EHMT1: variants seen among roughly 807,000 people sequenced by gnomAD.
The protein encoded by EHMT1 is euchromatic histone lysine methyltransferase 1.
A neutral mutation model predicts 147.2 loss-of-function variants in EHMT1; 15 were observed. The observed-to-expected ratio is 0.10, with a 90% CI of 0.07 to 0.16. The LOEUF (loss-of-function observed/expected upper bound fraction) is 0.16, where lower values mean the gene tolerates loss of function less well. Among genes scored for constraint, EHMT1 ranks in the 10% least tolerant of loss-of-function variants. The pLI, the probability that EHMT1 is intolerant of heterozygous loss-of-function variation, is 1.00. For missense variants in EHMT1, 1,587 were observed against 1,772.4 expected, an observed-to-expected ratio of 0.90 and a Z score of 1.88; for synonymous variants, 795 against 709.6, an observed-to-expected ratio of 1.12 and a Z score of -1.91.
At chr9:137,741,375 T>C (rs1394599922) in intron 4 of EHMT1, among the ~76,000 whole-genome samples, 1 of 149,782 alleles carries the variant, frequency 6.7e-6, no homozygotes, top group Non-Finnish European at 1.5e-5. Context: ...AGGGGACAGG[T>C]AGCAAACTGT....
chr9:137,754,132 T>G (rs773333309), intron 7 of EHMT1, 39 bp from the exon 8 acceptor site: 2 of 1,613,728 alleles, frequency 1.2e-6, no homozygotes. Context: ...TAGCTTCCTG[T>G]GCTTAGTGGT....
chr9:137,834,091 A>C, intron 25 of EHMT1: 3 of 560,780 alleles, frequency 5.3e-6, no homozygotes, highest in East Asian at 3.1e-5. Flanking sequence ...CGTCAAGGGA[A>C]CGGCCCGCAC....
At chr9:137,790,705 A>T in intron 15 of EHMT1, 143 bp from the exon 16 acceptor site, 2 of 1,075,300 alleles carry the variant, frequency 1.9e-6, no homozygotes, top group Non-Finnish European at 2.9e-6. Flanking sequence ...GTCTTTGAAT[A>T]CGTGTTTAGA....
In EHMT1 at chr9:137,738,155, C is replaced by T. The variant is rs939320773; in HGVS notation, c.824-5216C>T. Among the ~76,000 whole-genome samples the T allele has an allele frequency of 3.3e-5, 5 of 151,644 alleles. No homozygotes were observed. In the East Asian group the frequency reaches 7.8e-4, roughly 24 times the overall value. On this transcript the variant is annotated intron_variant, in intron 4 of 26. Coordinates refer to ENST00000460843, the MANE Select transcript of EHMT1 (RefSeq NM_024757.5). The stretch of plus-strand genomic sequence containing the variant: ...GTTGCAGTGAGCCGAGATCGGACCA[C>T]TGCACTCCAGCCTGGGTGACAGAGT...
intron 9 of EHMT1, among the ~76,000 whole-genome samples, chr9:137,761,704 G>T (rs532695208): frequency 2.0e-5 from 3 of 152,086 alleles, no homozygotes; most frequent in African/African-American, 7.2e-5. Flanking sequence ...TGATCTGCCC[G>T]CCTTGGCCTC....
chr9:137,753,837 C>T (rs974913801), intron 7 of EHMT1, among the ~76,000 whole-genome samples: 3 of 152,120 alleles, frequency 2.0e-5, no homozygotes, highest in African/African-American at 4.8e-5. Flanking sequence ...GCGAGATGAA[C>T]GGACCCTTTT....
intron 10 of EHMT1, among the ~76,000 whole-genome samples, chr9:137,766,491 T>C (rs1456359315): frequency 6.6e-6 from 1 of 152,156 alleles, no homozygotes; most frequent in Non-Finnish European, 1.5e-5. Context: ...GGCGCCTGCC[T>C]GTAGTCCCAG....
chr9:137,831,875 T>A (rs1199203266), intron 25 of EHMT1, among the ~76,000 whole-genome samples: 1 of 152,174 alleles, frequency 6.6e-6, no homozygotes, highest in Admixed American at 6.5e-5. Context: ...GCCCGGCCTC[T>A]CTAGTGGTCC....
chr9:137,757,179 CTGGCCACCACTCGTG>C (rs1949440441), intron 8 of EHMT1, among the ~76,000 whole-genome samples: 1 of 152,244 alleles, frequency 6.6e-6, no homozygotes, highest in African/African-American at 2.4e-5. Context: ...ACAGGCTGGC[CTGGCCACCACTCGTG>C]TGTCCTTGAG....
At chr9:137,672,946 C>T (rs1190922632) in intron 1 of EHMT1, among the ~76,000 whole-genome samples, 1 of 152,166 alleles carries the variant, frequency 6.6e-6, no homozygotes, top group East Asian at 1.9e-4. Context: ...ACTACTATAC[C>T]TTGTGGTTTT....
chr9:137,648,532 C>T (rs1337945903), intron 1 of EHMT1, among the ~76,000 whole-genome samples: 1 of 151,492 alleles, frequency 6.6e-6, no homozygotes, highest in African/African-American at 2.4e-5. Context: ...GTGCCTCATG[C>T]CTGTGGTCCC....
chr9:137,816,228 C>CA (rs1258296068), intron 23 of EHMT1, 166 bp downstream of exon 23: 5 of 689,366 alleles, frequency 7.3e-6, no homozygotes, highest in East Asian at 2.8e-5. Context: ...CTAGAAATGT[C>CA]ACTTGTGCCA....
chr9:137,754,070 A>G (rs556747671), intron 7 of EHMT1, 101 bp from the exon 8 acceptor site: 37 of 1,578,138 alleles, frequency 2.3e-5, no homozygotes, highest in South Asian at 1.1e-5. Context: ...AGATCAAGAC[A>G]TAGCCAGTGT....
chr9:137,694,418 C>T (rs531437190), intron 1 of EHMT1, among the ~76,000 whole-genome samples: 21 of 151,938 alleles, frequency 1.4e-4, no homozygotes, highest in African/African-American at 4.8e-4. Flanking sequence ...CTGGCCGATA[C>T]CCACCATGCG....
Position 137,787,594 on chromosome 9 carries a change from G to A in EHMT1, c.2383-3254G>A, listed in dbSNP as rs527570504. 8.1e-6 allele frequency: 4 copies of A among 492,634 alleles called. No individual in the cohort carries two copies. The highest frequency in any genetic ancestry group is 7.9e-5 in the East Asian group (2 of 25,442). The allele number at this position is 492,634 out of a possible 1,614,324, so 30.5% of individuals were successfully genotyped here. A position where few individuals can be genotyped will look rare whatever the true frequency, so the allele number is the denominator to read the frequency against. ...GAGGCTGCTGTGGTCGCAGACAACC[G>A]CCTCGCCTTGGCTCCCTGGCAACAA... On this transcript the variant is annotated intron_variant, in intron 15 of 26. Transcript: ENST00000460843. The surrounding 1 kb of genome is among the most constrained non-coding windows in gnomAD (Gnocchi z 4.2).
intron 3 of EHMT1, among the ~76,000 whole-genome samples, chr9:137,721,626 C>A (rs1238905645): frequency 3.3e-5 from 5 of 149,980 alleles, no homozygotes; most frequent in Non-Finnish European, 7.4e-5. Flanking sequence ...TCACCCTCAT[C>A]CTCTCCCACG....
chr9:137,775,268 G>A lies in EHMT1; in HGVS notation c.1791+16G>A, dbSNP rs375461503. On this transcript the variant is annotated intron_variant, in intron 11 of 26. Transcript: ENST00000460843. This position sits in a 1 kb window ranked among gnomAD's most constrained non-coding sequence, Gnocchi z 6.1. Reference sequence around the variant, plus strand: ...CTGCACAGCGGTAAGAGCCCAGTCCGGCAGCCTCTGAGTCCTCCGCAGGCT... The same window carrying A: ...CTGCACAGCGGTAAGAGCCCAGTCCAGCAGCCTCTGAGTCCTCCGCAGGCT... The A allele has an allele frequency of 1.9e-5, 30 of 1,606,974 alleles. No homozygotes were observed. The Admixed American group carries it at 2.5e-4, about 13-fold the overall frequency.
Position 137,834,436 on chromosome 9 carries a change from G to C in EHMT1, c.3628G>C (p.Val1210Leu), listed in dbSNP as rs1015778887. Residue 1210 changes from valine (V) to leucine (L), a missense_variant, in exon 26 of 27, where the codon GTG becomes CTG. By Grantham distance (32) the Val-to-Leu change is conservative. Around this residue, in one of 7 missense-constraint regions of EHMT1, gnomAD observed 141 missense variants for 150.8 expected, o/e 0.94. Coordinates refer to ENST00000460843, the MANE Select transcript of EHMT1 (RefSeq NM_024757.5). ...NHHCEPNLVP[V>L]RVFMAHQDLR... ...CCACTGCGAGCCCAACCTGGTGCCC[G>C]TGCGCGTGTTCATGGCCCACCAGGA... 6.2e-7 allele frequency: 1 copy of C among 1,613,256 alleles called. No individual in the cohort carries two copies. The highest frequency in any genetic ancestry group is 8.5e-7 in the Non-Finnish European group (1 of 1,179,806).
intron 3 of EHMT1, among the ~76,000 whole-genome samples, chr9:137,717,912 A>T (rs1364405320): frequency 3.3e-5 from 5 of 152,228 alleles, no homozygotes; most frequent in Non-Finnish European, 7.3e-5. Flanking sequence ...ACCTGGAGAC[A>T]TGCCGAGGTC....
Sources: allele counts gnomAD v4.1 joint callset (sites outside exome capture counted in the v4.1 genomes callset), GRCh38; gene constraint gnomAD v4.1.1; regional missense constraint gnomAD v4.1.1; non-coding constraint Gnocchi (gnomAD v3.1); transcripts MANE v1.5; gene names NCBI Gene and HGNC (gene_info 2026-07-23, HGNC 2026-07-21).